AHNAK2: variants seen among roughly 807,000 people sequenced by gnomAD.
AHNAK2 encodes the protein protein AHNAK2.
A neutral mutation model predicts 30.7 loss-of-function variants in AHNAK2; 18 were observed. The ratio of observed to expected loss-of-function variants is 0.59; its 90% CI spans 0.41 to 0.87. AHNAK2 has a LOEUF of 0.87. Ranked by LOEUF, AHNAK2 falls within the 40% of genes least tolerant of loss-of-function variation. The pLI is 0.00. For missense variants in AHNAK2, 8,604 were observed against 7,373.0 expected, an observed-to-expected ratio of 1.17 and a Z score of -6.11; for synonymous variants, 3,590 against 3,073.8, an observed-to-expected ratio of 1.17 and a Z score of -5.56.
rs1421479026 is a variant in AHNAK2, at chr14:104,948,353, G to C, written c.7098C>G (p.Leu2366=). Residue 2366 remains leucine (L), a synonymous_variant, in exon 7 of 7, where the codon CTC becomes CTG. Coordinates refer to ENST00000333244, the MANE Select transcript of AHNAK2 (RefSeq NM_138420.4). ...GGTCAGCGGAAGGGGGCTGAACGCT[G>C]AGGTCAGTGGTCTTGAGGTCCCCCT... ...SMQGDLKTTD[L]SVQPPSADLE... 6 of 1,612,868 alleles carry C rather than the reference G, an allele frequency of 3.7e-6. No individual in the cohort carries two copies. Among genetic ancestry groups the C allele is most frequent in the African/African-American group, 2.7e-5 (2 of 74,630 alleles).
At chr14:104,956,729 C>T (rs1208966482) in intron 3 of AHNAK2, 40 bp from the exon 4 acceptor site, 4 of 1,597,962 alleles carry the variant, frequency 2.5e-6, no homozygotes, top group Non-Finnish European at 3.4e-6. Context: ...CCTGCCCCAG[C>T]TCAGGGACAG....
chr14:104,970,120 T>C (rs923934752), intron 1 of AHNAK2, among the ~76,000 whole-genome samples: 9 of 152,050 alleles, frequency 5.9e-5, no homozygotes, highest in African/African-American at 1.7e-4. Context: ...CCCAGGCTCC[T>C]TGGAAACAAG....
intron 1 of AHNAK2, among the ~76,000 whole-genome samples, chr14:104,972,755 G>A (rs1322628171): frequency 6.6e-6 from 1 of 152,228 alleles, no homozygotes; most frequent in Admixed American, 6.5e-5. Context: ...CTAAGCACGT[G>A]CCACTGGCTC....
Position 104,947,780 on chromosome 14 carries a change from C to T in AHNAK2, c.7671G>A (p.Pro2557=), listed in dbSNP as rs61433149. The T allele has an allele frequency of 1.5e-3, 2,350 of 1,611,916 alleles. 79 individuals are homozygous for T. In the African/African-American group the frequency reaches 0.027, roughly 18 times the overall value. Residue 2557 remains proline (P), a synonymous_variant, in exon 7 of 7, where the codon CCG becomes CCA. Transcript: ENST00000333244. ...GGTGCCCTTTGAGGCCGGCTCCCTCCGGCACAGGGCCCTCTGGGAGTTTCA... is the reference window on the plus strand; with the variant it reads ...GGTGCCCTTTGAGGCCGGCTCCCTCTGGCACAGGGCCCTCTGGGAGTTTCA... ...VDVKLPEGPV[P]EGAGLKGHLP... is the part of the protein sequence containing the mutation.
At chr14:104,969,509 C>T (rs1055989349) in intron 1 of AHNAK2, among the ~76,000 whole-genome samples, 1 of 152,256 alleles carries the variant, frequency 6.6e-6, no homozygotes, top group African/African-American at 2.4e-5. Flanking sequence ...ACACTGCCGG[C>T]TCCCTGGTCC....
chr14:104,941,013 G>A lies in AHNAK2; in HGVS notation c.14438C>T (p.Pro4813Leu), dbSNP rs367968016. 2.5e-5 allele frequency: 41 copies of A among 1,613,474 alleles called. No individual in the cohort carries two copies. In the Admixed American group the frequency reaches 2.7e-4, roughly 10 times the overall value. The change falls in exon 7 of 7, where the codon CCT becomes CTT. Residue 4813 changes from proline (P) to leucine (L), a missense_variant. By Grantham distance (98) the Pro-to-Leu change is moderately conservative. Transcript: ENST00000333244. ...ALAPELALEIPSGSQADIPLP... is the reference protein window; with the variant it reads ...ALAPELALEILSGSQADIPLP... ...AGGAATATCAGCCTGAGACCCAGAA[G>A]GAATTTCCAGAGCAAGCTCAGGGGC...
rs139604630 is a variant in AHNAK2, at chr14:104,947,963, A to T, written c.7488T>A (p.Ser2496=). 6.0e-5 allele frequency: 97 copies of T among 1,611,998 alleles called. 3 individuals are homozygous for T. In the African/African-American group the frequency reaches 7.3e-4, roughly 12 times the overall value. ...PKFKMPSFGV[S]APGKSIEASV... ...AGGCCTCGATGGACTTGCCTGGGGCAGACACCCCGAATGACGGCATCTTGA... is the reference window on the plus strand; with the variant it reads ...AGGCCTCGATGGACTTGCCTGGGGCTGACACCCCGAATGACGGCATCTTGA... The change falls in exon 7 of 7, where the codon TCT becomes TCA. Residue 2496 remains serine (S), a synonymous_variant. Transcript: ENST00000333244.
chr14:104,948,576 C>G lies in AHNAK2; in HGVS notation c.6875G>C (p.Gly2292Ala), dbSNP rs1180787777. ...CAGCCGCGCACCATCCAGCTTGGCT[C>G]CTGGGGCCTTGACGTCCACCTCCAC... ...PSVEVDVKAP[G>A]AKLDGARLEG... is the part of the protein sequence containing the mutation. Residue 2292 changes from glycine to alanine, a missense_variant, in exon 7 of 7, where the codon GGA becomes GCA. Physicochemically the swap from Gly to Ala is moderately conservative, Grantham distance 60. Coordinates refer to ENST00000333244, the MANE Select transcript of AHNAK2 (RefSeq NM_138420.4). The G allele has an allele frequency of 6.2e-7, 1 of 1,612,444 alleles. No homozygotes were observed. Among genetic ancestry groups the G allele is most frequent in the Non-Finnish European group, 8.5e-7 (1 of 1,179,700 alleles).
rs751882345 is a variant in AHNAK2 at position 104,943,145 on chromosome 14, G to A, written c.12306C>T (p.Asp4102=). The stretch of plus-strand genomic sequence containing the variant: ...CCAGCTTTGCTCTCGGGGCCTGGAC[G>A]TCCACCTCCATGCTGGACAGAGACA... ...VKMSLSSMEV[D]VQAPRAKLDG... The change falls in exon 7 of 7, where the codon GAC becomes GAT. Residue 4102 remains aspartate, a synonymous_variant. Coordinates refer to ENST00000333244, the MANE Select transcript of AHNAK2 (RefSeq NM_138420.4). The A allele has an allele frequency of 1.5e-5, 25 of 1,613,130 alleles. No homozygotes were observed. Among genetic ancestry groups the A allele is most frequent in the South Asian group, 4.4e-5 (4 of 91,040 alleles).
chr14:104,944,515 G>A lies in AHNAK2; in HGVS notation c.10936C>T (p.Pro3646Ser), dbSNP rs1382525189. ...CCTGGGGCCGATACCCTGAATGACG[G>A]CATCTTGAATTTGGGCATTTTGAAC... Reference protein sequence around the residue: ...SKFKMPKFKMPSFRVSAPGKS... With the variant: ...SKFKMPKFKMSSFRVSAPGKS... Residue 3646 changes from proline to serine, a missense_variant, in exon 7 of 7, where the codon CCG becomes TCG. Transcript: ENST00000333244. 2.5e-6 allele frequency: 4 copies of A among 1,612,828 alleles called. No individual in the cohort carries two copies. The highest frequency in any genetic ancestry group is 2.7e-5 in the African/African-American group (2 of 74,564).
rs1595393850 is a variant in AHNAK2, at chr14:104,943,298, C to T, written c.12153G>A (p.Leu4051=). The change falls in exon 7 of 7, where the codon CTG becomes CTA. Residue 4051 remains leucine (L), a synonymous_variant. Transcript: ENST00000333244. ...TGAAACTGGGCATCTGCACCTTGGG[C>T]AGGTGCCCTTTGAGGCTGGCTCCCT... ...VPEGASLKGH[L]PKVQMPSFKM... is the part of the protein sequence containing the mutation. The T allele has an allele frequency of 1.2e-6, 2 of 1,611,518 alleles. No homozygotes were observed. The highest frequency in any genetic ancestry group is 1.7e-6 in the Non-Finnish European group (2 of 1,179,030).
chr14:104,940,708 C>T lies in AHNAK2; in HGVS notation c.14743G>A (p.Gly4915Ser). The T allele has an allele frequency of 6.2e-7, 1 of 1,612,956 alleles. No individual in the cohort carries two copies. Residue 4915 changes from glycine (G) to serine (S), a missense_variant, in exon 7 of 7, where the codon GGC (glycine) becomes AGC (serine). Gly to Ser is a moderately conservative substitution (Grantham distance 56). Transcript: ENST00000333244. This position sits in a 1 kb window ranked among gnomAD's most constrained non-coding sequence, Gnocchi z 4.4. Reference sequence around the variant, plus strand: ...TCTGGGCCCTGAGACACACAGGTGCCTGGGGATGGCAGCTGGGTGCTTGGC... The same window carrying T: ...TCTGGGCCCTGAGACACACAGGTGCTTGGGGATGGCAGCTGGGTGCTTGGC... ...PLPSTQLPSP[G>S]TCVSQGPEEL... is the part of the protein sequence containing the mutation.
rs1897854752 is a variant in AHNAK2 at position 104,937,963 on chromosome 14, G to A, written c.*100C>T. 1 of 1,244,836 alleles carries A rather than the reference G, an allele frequency of 8.0e-7. No homozygotes were observed. Among genetic ancestry groups the A allele is most frequent in the Non-Finnish European group, 1.1e-6 (1 of 892,324 alleles). The allele number at this position is 1,244,836 out of a possible 1,614,324, so 77.1% of individuals were successfully genotyped here. A position where few individuals can be genotyped will look rare whatever the true frequency, so the allele number is the denominator to read the frequency against. On this transcript the variant is annotated 3_prime_UTR_variant, in exon 7 of 7. Transcript: ENST00000333244. ...GTTCTCCGTTCTGTGAAGTGAGGTGGATGTAATGTGCTGTGGGATGGGGTG... is the reference window on the plus strand; with the variant it reads ...GTTCTCCGTTCTGTGAAGTGAGGTGAATGTAATGTGCTGTGGGATGGGGTG...
Position 104,954,153 on chromosome 14 carries a change from ACTG to A in AHNAK2, c.1295_1297del (p.Ala432del). The A allele has an allele frequency of 1.2e-6, 2 of 1,610,344 alleles. No individual in the cohort carries two copies. The highest frequency in any genetic ancestry group is 1.7e-6 in the Non-Finnish European group (2 of 1,179,792). On this transcript the variant is annotated inframe_deletion, in exon 7 of 7. Coordinates refer to ENST00000333244, the MANE Select transcript of AHNAK2 (RefSeq NM_138420.4). The surrounding 1 kb of genome is among the most constrained non-coding windows in gnomAD (Gnocchi z 4.3). ...CTGGGCCCTGGGCTTCCTCTGGGCC[ACTG>A]CTGTCTCCTGTGCCTGCCCCTCCAG...
In AHNAK2 at chr14:104,953,094, T is replaced by A; in HGVS notation, c.2357A>T (p.Glu786Val). 1 of 1,613,372 alleles carries A rather than the reference T, an allele frequency of 6.2e-7. No homozygotes were observed. Residue 786 changes from glutamate (E) to valine (V), a missense_variant, in exon 7 of 7, where the codon GAA (glutamate) becomes GTA (valine). By Grantham distance (121) the Glu-to-Val change is moderately radical (BLOSUM62 -2). Transcript: ENST00000333244. ...PKLDLKGPKA[E>V]VTAPDVKMSL... ...CATCTTCACATCGGGGGCTGTCACT[T>A]CCGCCTTGGGGCCTTTCAGGTCCAG...
rs370718666 is a variant in AHNAK2 at position 104,947,981 on chromosome 14, C to T, written c.7470G>A (p.Met2490Ile). The T allele has an allele frequency of 2.5e-6, 4 of 1,612,804 alleles. No homozygotes were observed. Among genetic ancestry groups the T allele is most frequent in the East Asian group, 2.2e-5 (1 of 44,766 alleles). Residue 2490 changes from methionine to isoleucine, a missense_variant, in exon 7 of 7, where the codon ATG (methionine) becomes ATA (isoleucine). Coordinates refer to ENST00000333244, the MANE Select transcript of AHNAK2 (RefSeq NM_138420.4). Reference protein sequence around the residue: ...DSRFKIPKFKMPSFGVSAPGK... With the variant: ...DSRFKIPKFKIPSFGVSAPGK... ...CTGGGGCAGACACCCCGAATGACGG[C>T]ATCTTGAACTTGGGAATTTTGAACC... is the stretch of plus-strand genomic sequence containing the variant.
Position 104,955,498 on chromosome 14 carries a change from A to G in AHNAK2, c.451T>C (p.Phe151Leu), listed in dbSNP as rs201598898. The G allele has an allele frequency of 5.6e-5, 90 of 1,613,160 alleles. No individual in the cohort carries two copies. The highest frequency in any genetic ancestry group is 7.5e-5 in the Non-Finnish European group (89 of 1,179,620). The change falls in exon 5 of 7, where the codon TTT (phenylalanine) becomes CTT (leucine). Residue 151 changes from phenylalanine (F) to leucine (L), a missense_variant. Coordinates refer to ENST00000333244, the MANE Select transcript of AHNAK2 (RefSeq NM_138420.4). ...GCCATGGCACCTTCTCTCAAGTTAA[A>G]AAGCTTGGCGGCTGAGGAGTCCTTC... ...VLKDSSAAKL[F>L]NLREGDQLLS...
In AHNAK2 at chr14:104,950,453, T is replaced by C. The variant is rs143480617; in HGVS notation, c.4998A>G (p.Pro1666=). ...SKFKMPKFKM[P]SFGVSAPGKS... Reference sequence around the variant, plus strand: ...TGCCTGGGGCCGACACCCCAAATGATGGCATCTTGAACTTGGGCATTTTGA... The same window carrying C: ...TGCCTGGGGCCGACACCCCAAATGACGGCATCTTGAACTTGGGCATTTTGA... Residue 1666 remains proline (P), a synonymous_variant, in exon 7 of 7, where the codon CCA becomes CCG. Coordinates refer to ENST00000333244, the MANE Select transcript of AHNAK2 (RefSeq NM_138420.4). 16,145 of 1,575,486 alleles carry C rather than the reference T, an allele frequency of 0.01. 1,775 individuals are homozygous for C. Among genetic ancestry groups the C allele is most frequent in the East Asian group, 0.079 (3,424 of 43,544 alleles).
At position 104,951,033 on chromosome 14, in the gene AHNAK2, C is replaced by G. The variant is rs377749627; in HGVS notation, c.4418G>C (p.Gly1473Ala). Reference sequence around the variant, plus strand: ...CAGGGACATGTCCTCCTCCAGCCGTCCACCATCCAGCTTGGCTCCTGGGGC... The same window carrying G: ...CAGGGACATGTCCTCCTCCAGCCGTGCACCATCCAGCTTGGCTCCTGGGGC... Reference protein sequence around the residue: ...VEAPGAKLDGGRLEEDMSLAD... With the variant: ...VEAPGAKLDGARLEEDMSLAD... Residue 1473 changes from glycine (G) to alanine (A), a missense_variant, in exon 7 of 7, where the codon GGA becomes GCA. Coordinates refer to ENST00000333244, the MANE Select transcript of AHNAK2 (RefSeq NM_138420.4). The G allele has an allele frequency of 1.4e-3, 1,476 of 1,062,046 alleles. 406 individuals carry two copies. The highest frequency in any genetic ancestry group is 8.2e-3 in the African/African-American group (566 of 68,838). 65.8% of individuals were successfully genotyped at this position (1,062,046 alleles called of 1,614,324 possible). A position where few individuals can be genotyped will look rare whatever the true frequency, so the allele number is the denominator to read the frequency against.
Sources: allele counts gnomAD v4.1 joint callset (sites outside exome capture counted in the v4.1 genomes callset), GRCh38; gene constraint gnomAD v4.1.1; non-coding constraint Gnocchi (gnomAD v3.1); transcripts MANE v1.5; gene names NCBI Gene and HGNC (gene_info 2026-07-23, HGNC 2026-07-21).